The following GOLGA6L6 variants were observed in gnomAD, a reference collection of about 807,000 sequenced individuals.
GOLGA6L6 encodes the protein golgin subfamily A member 6-like protein 6.
GOLGA6L6 carries 12 observed loss-of-function variants against 75.6 expected under a neutral mutation model. The ratio of observed to expected loss-of-function variants is 0.16; its 90% CI spans 0.10 to 0.26. The LOEUF (loss-of-function observed/expected upper bound fraction) is 0.26. Ranked by LOEUF, GOLGA6L6 falls within the 10% of genes least tolerant of loss-of-function variation. The pLI is 1.00. For synonymous variants in GOLGA6L6, 38 were observed against 179.2 expected, an observed-to-expected ratio of 0.21 and a Z score of 6.29; for missense variants, 144 against 598.5, an observed-to-expected ratio of 0.24 and a Z score of 7.92.
Position 20,532,497 on chromosome 15 carries a change from G to A in GOLGA6L6, c.*1106C>T, listed in dbSNP as rs1410802351. The A allele has an allele frequency of 1.5e-5, 2 of 133,516 alleles. No homozygotes were observed. Among genetic ancestry groups the A allele is most frequent in the Non-Finnish European group, 3.2e-5 (2 of 61,798 alleles). 8.3% of individuals were successfully genotyped at this position (133,516 alleles called of 1,614,324 possible). On this transcript the variant is annotated 3_prime_UTR_variant, in exon 9 of 9. Transcript: ENST00000619213. ...ATCGTGCCATTGCACTAGAGCCTGG[G>A]CAACAGCGCAATACTCCATCTCAAA...
At chr15:20,538,056 C>T (rs1369938863) in intron 5 of GOLGA6L6, among the ~76,000 whole-genome samples, 196 bp downstream of exon 5, 1 of 148,444 alleles carries the variant, frequency 6.7e-6, no homozygotes, top group East Asian at 1.9e-4. Flanking sequence ...AGTGCTCGCT[C>T]CCCACAGTGC....
intron 2 of GOLGA6L6, 69 bp from the exon 3 acceptor site, chr15:20,538,755 C>T: frequency 7.5e-7 from 1 of 1,335,460 alleles, no homozygotes; most frequent in Non-Finnish European, 1.0e-6. Context: ...GACATGCCCC[C>T]AGAATGGCAC....
At chr15:20,537,304 GC>G (rs1566841815) in intron 5 of GOLGA6L6, among the ~76,000 whole-genome samples, 1 of 125,262 alleles carries the variant, frequency 8.0e-6, no homozygotes, top group Non-Finnish European at 1.7e-5. Context: ...GCCCACCTCA[GC>G]CTCCCAAAGT....
At chr15:20,534,077 C>T (rs1422924272) in intron 8 of GOLGA6L6, among the ~76,000 whole-genome samples, 182 bp downstream of exon 8, 1 of 9,274 alleles carries the variant, frequency 1.1e-4, no homozygotes, top group African/African-American at 5.8e-4. Flanking sequence ...TTCTTCCCAC[C>T]ATTTAAACTG....
rs1890353764 is a variant in GOLGA6L6 at position 20,535,605 on chromosome 15, CGTTCTCTT to C, written c.821_828del (p.Glu274GlyfsTer160). On this transcript the variant is annotated frameshift_variant, in exon 8 of 9. Coordinates refer to ENST00000619213, the MANE Select transcript of GOLGA6L6 (RefSeq NM_001145004.2). LOFTEE classifies it high-confidence loss of function. The stretch of plus-strand genomic sequence containing the variant: ...TGCTGGTTCAGGCGGTTCCACAACT[CGTTCTCTT>C]CCACCTGGGCTTGGAGCTTTGCTGA... 1.6e-6 allele frequency: 1 copy of C among 635,354 alleles called. No homozygotes were observed. 39.4% of individuals were successfully genotyped at this position (635,354 alleles called of 1,614,324 possible). A position where few individuals can be genotyped will look rare whatever the true frequency, so the allele number is the denominator to read the frequency against.
rs1890322136 is a variant in GOLGA6L6, at chr15:20,534,963, C to T, written c.1471G>A (p.Glu491Lys). 3 of 1,502,166 alleles carry T rather than the reference C, an allele frequency of 2.0e-6. No individual in the cohort carries two copies. The highest frequency in any genetic ancestry group is 2.5e-5 in the East Asian group (1 of 39,570). The allele number at this position is 1,502,166 out of a possible 1,614,324, so 93.1% of individuals were successfully genotyped here. A position where few individuals can be genotyped will look rare whatever the true frequency, so the allele number is the denominator to read the frequency against. ...KQEEKVWRQE[E>K]KIREQEEKIR... is the part of the protein sequence containing the mutation. ...TTCTCCTCCTGCTCCCGTATCTTCT[C>T]CTCCTGCCTCCACACCTTCTCCTCC... The change falls in exon 8 of 9, where the codon GAG (glutamate) becomes AAG (lysine). Residue 491 changes from glutamate to lysine, a missense_variant. Transcript: ENST00000619213.
At chr15:20,534,051 C>G (rs2140626352) in intron 8 of GOLGA6L6, among the ~76,000 whole-genome samples, 1 of 3,764 alleles carries the variant, frequency 2.7e-4, no homozygotes, top group African/African-American at 1.6e-3. Flanking sequence ...CCTCCCCAGC[C>G]TCAAATCTCA....
At chr15:20,537,669 T>G (rs1352548810) in intron 5 of GOLGA6L6, among the ~76,000 whole-genome samples, 2 of 143,984 alleles carry the variant, frequency 1.4e-5, no homozygotes, top group African/African-American at 5.1e-5. Flanking sequence ...TATCTGATTC[T>G]CTAAGCCCAT....
In GOLGA6L6 at chr15:20,536,279, A is replaced by AT. The variant is rs1202127333; in HGVS notation, c.744+62dup. 323 of 347,944 alleles carry AT rather than the reference A, an allele frequency of 9.3e-4. No homozygotes were observed. The African/African-American group carries it at 0.016, about 18-fold the overall frequency. 21.6% of individuals were successfully genotyped at this position (347,944 alleles called of 1,614,324 possible). ...CTGGAGCCTCCCCATACCCTGCATG[A>AT]TCCCTAGACCATGGTCCCAGCTGGA... is the stretch of plus-strand genomic sequence containing the variant. On this transcript the variant is annotated intron_variant, in intron 7 of 8. Coordinates refer to ENST00000619213, the MANE Select transcript of GOLGA6L6 (RefSeq NM_001145004.2).
chr15:20,533,294 A>G lies in GOLGA6L6; in HGVS notation c.*309T>C, dbSNP rs1200459721. On this transcript the variant is annotated 3_prime_UTR_variant, in exon 9 of 9. Coordinates refer to ENST00000619213, the MANE Select transcript of GOLGA6L6 (RefSeq NM_001145004.2). ...CTCAGCCTCCCAAGTAGCTGGGATT[A>G]CAGGCATGCGCCACCATGCCCGGCT... is the stretch of plus-strand genomic sequence containing the variant. The G allele has an allele frequency of 7.8e-6, 1 of 127,662 alleles. No homozygotes were observed. Among genetic ancestry groups the G allele is most frequent in the Non-Finnish European group, 1.6e-5 (1 of 60,944 alleles). The allele number at this position is 127,662 out of a possible 1,614,324, so 7.9% of individuals were successfully genotyped here.
chr15:20,535,038 A>T lies in GOLGA6L6; in HGVS notation c.1396T>A (p.Trp466Arg), dbSNP rs1566841085. 7.9e-7 allele frequency: 1 copy of T among 1,273,380 alleles called. No homozygotes were observed. Among genetic ancestry groups the T allele is most frequent in the Admixed American group, 2.7e-5 (1 of 37,352 alleles). The allele number at this position is 1,273,380 out of a possible 1,614,324, so 78.9% of individuals were successfully genotyped here. A position where few individuals can be genotyped will look rare whatever the true frequency, so the allele number is the denominator to read the frequency against. The change falls in exon 8 of 9, where the codon TGG (tryptophan) becomes AGG (arginine). Residue 466 changes from tryptophan to arginine, a missense_variant. Trp to Arg is a moderately radical substitution (Grantham distance 101). Transcript: ENST00000619213. ...EEKIREQEEIWRQKEKMHEQE... is the reference protein window; with the variant it reads ...EEKIREQEEIRRQKEKMHEQE... ...TCGTGCATCTTCTCCTTTTGCCTCC[A>T]TATCTCCTCCTGCTCCCTTATCTTC...
Position 20,534,851 on chromosome 15 carries a change from T to C in GOLGA6L6, c.1583A>G (p.His528Arg), listed in dbSNP as rs1259242719. 1 of 1,141,254 alleles carries C rather than the reference T, an allele frequency of 8.8e-7. No homozygotes were observed. Among genetic ancestry groups the C allele is most frequent in the South Asian group, 1.4e-5 (1 of 73,850 alleles). The allele number at this position is 1,141,254 out of a possible 1,614,324, so 70.7% of individuals were successfully genotyped here. A position where few individuals can be genotyped will look rare whatever the true frequency, so the allele number is the denominator to read the frequency against. ...CTCCTCCCATATCTTCTCCTGCTCA[T>C]GCATCTTCTCTTCCTCCCTCCACAT... ...EEMWREEEKM[H>R]EQEKIWEEEK... Residue 528 changes from histidine (H) to arginine (R), a missense_variant, in exon 8 of 9, where the codon CAT becomes CGT. Coordinates refer to ENST00000619213, the MANE Select transcript of GOLGA6L6 (RefSeq NM_001145004.2).
Position 20,534,257 on chromosome 15 carries a change from AC to A in GOLGA6L6, c.*1del, listed in dbSNP as rs1890278370. 1 of 917,732 alleles carries A rather than the reference AC, an allele frequency of 1.1e-6. No homozygotes were observed. Among genetic ancestry groups the A allele is most frequent in the African/African-American group, 2.5e-5 (1 of 40,686 alleles). 56.8% of individuals were successfully genotyped at this position (917,732 alleles called of 1,614,324 possible). A position where few individuals can be genotyped will look rare whatever the true frequency, so the allele number is the denominator to read the frequency against. Reference sequence around the variant, plus strand: ...CCTCTCCTCCAGCTCCTGCAGCCTCACCTAGTGTTCCTGCATCTTCTCCTCC... The same window carrying A: ...CCTCTCCTCCAGCTCCTGCAGCCTCACTAGTGTTCCTGCATCTTCTCCTCC... On this transcript the variant is annotated splice_donor_variant, in intron 8 of 8. Coordinates refer to ENST00000619213, the MANE Select transcript of GOLGA6L6 (RefSeq NM_001145004.2). LOFTEE classifies it low-confidence loss of function (3UTR_SPLICE).
intron 8 of GOLGA6L6, among the ~76,000 whole-genome samples, 169 bp downstream of exon 8, chr15:20,534,090 G>A (rs1478188489): frequency 7.3e-5 from 1 of 13,746 alleles, no homozygotes; most frequent in African/African-American, 3.8e-4. Context: ...TTAAACTGTA[G>A]GCCACAGACT....
rs546246158 is a variant in GOLGA6L6, at chr15:20,534,459, G to A, written c.1975C>T (p.Arg659Trp). 759 of 1,442,506 alleles carry A rather than the reference G, an allele frequency of 5.3e-4. 9 individuals carry two copies. The African/African-American group carries it at 6.1e-3, about 12-fold the overall frequency. The allele number at this position is 1,442,506 out of a possible 1,614,324, so 89.4% of individuals were successfully genotyped here. Residue 659 changes from arginine (R) to tryptophan (W), a missense_variant, in exon 8 of 9, where the codon CGG (arginine) becomes TGG (tryptophan). By Grantham distance (101) the Arg-to-Trp change is moderately radical. Coordinates refer to ENST00000619213, the MANE Select transcript of GOLGA6L6 (RefSeq NM_001145004.2). The part of the protein sequence containing the change: ...EKIREQEKKI[R>W]EQEEKIREQE... ...TCTCGTATCTTCTCCTCCTGCTCCC[G>A]TATCTTCTTCTCCTGCTCCCTTATC...
rs573188974 is a variant in GOLGA6L6 at position 20,533,264 on chromosome 15, C to T, written c.*339G>A. The T allele has an allele frequency of 2.6e-5, 4 of 151,760 alleles. No individual in the cohort carries two copies. In the South Asian group the frequency reaches 6.7e-4, roughly 26 times the overall value. 9.4% of individuals were successfully genotyped at this position (151,760 alleles called of 1,614,324 possible). A position where few individuals can be genotyped will look rare whatever the true frequency, so the allele number is the denominator to read the frequency against. On this transcript the variant is annotated 3_prime_UTR_variant, in exon 9 of 9. Transcript: ENST00000619213. Reference sequence around the variant, plus strand: ...CTGCCTCCCAGGTTCAAGCGATTCTCCTGCCTCAGCCTCCCAAGTAGCTGG... The same window carrying T: ...CTGCCTCCCAGGTTCAAGCGATTCTTCTGCCTCAGCCTCCCAAGTAGCTGG...
chr15:20,538,777 A>G, intron 2 of GOLGA6L6, 91 bp from the exon 3 acceptor site: 2 of 906,356 alleles, frequency 2.2e-6, no homozygotes, highest in Non-Finnish European at 3.4e-6. Flanking sequence ...ACTGCCCCAG[A>G]ACAGGCCCAC....
At position 20,532,557 on chromosome 15, in the gene GOLGA6L6, T is replaced by A. The variant is rs1248064386; in HGVS notation, c.*1046A>T. The A allele has an allele frequency of 2.1e-5, 3 of 142,486 alleles. No homozygotes were observed. The highest frequency in any genetic ancestry group is 4.6e-5 in the Non-Finnish European group (3 of 65,070). 8.8% of individuals were successfully genotyped at this position (142,486 alleles called of 1,614,324 possible). ...AAAAGGACAGATGAAGGTTTTCAAC[T>A]TTCAGTAAAGGCAGAGGAGCTTGTT... On this transcript the variant is annotated 3_prime_UTR_variant, in exon 9 of 9. Transcript: ENST00000619213.
Position 20,534,258 on chromosome 15 carries a change from C to CCTAGTGTTCCTGCATCTTCTCCT in GOLGA6L6, c.2153_2175dup. ...CTCTCCTCCAGCTCCTGCAGCCTCACCTAGTGTTCCTGCATCTTCTCCTCC... is the reference window on the plus strand; with the variant it reads ...CTCTCCTCCAGCTCCTGCAGCCTCACCTAGTGTTCCTGCATCTTCTCCTCTAGTGTTCCTGCATCTTCTCCTCC... On this transcript the variant is annotated splice_region_variant and 3_prime_UTR_variant. Transcript: ENST00000619213. The CCTAGTGTTCCTGCATCTTCTCCT allele has an allele frequency of 4.3e-6, 4 of 933,226 alleles. 1 individual carries two copies. Among genetic ancestry groups the CCTAGTGTTCCTGCATCTTCTCCT allele is most frequent in the Non-Finnish European group, 6.3e-6 (4 of 637,060 alleles). The allele number at this position is 933,226 out of a possible 1,614,324, so 57.8% of individuals were successfully genotyped here.
Sources: allele counts gnomAD v4.1 joint callset (sites outside exome capture counted in the v4.1 genomes callset), GRCh38; gene constraint gnomAD v4.1.1; transcripts MANE v1.5; gene names NCBI Gene and HGNC (gene_info 2026-07-23, HGNC 2026-07-21).